Variants in AMZ2 observed in about 807,000 individuals in gnomAD.
AMZ2 encodes archaelysin family metallopeptidase 2, also known as archaemetzincin-2.
AMZ2 carries 26 observed loss-of-function variants against 36.7 expected under a neutral mutation model. The ratio of observed to expected loss-of-function variants is 0.71; its 90% CI spans 0.52 to 0.98. The LOEUF (loss-of-function observed/expected upper bound fraction) is 0.98, where lower values mean the gene tolerates loss of function less well. Among genes scored for constraint, AMZ2 ranks in the 50% least tolerant of loss-of-function variants. The probability of loss-of-function intolerance (pLI) is 0.00; values close to 1 mark genes in which losing one functional copy is unlikely to be tolerated. For synonymous variants in AMZ2, 144 were observed against 149.1 expected (o/e 0.97, Z 0.25); for missense variants, 394 against 430.5 (o/e 0.92, Z 0.75).
At chr17:68,208,119 G>A (rs1309201597) in intron 1 of AMZ2, among the ~76,000 whole-genome samples, 5 of 152,148 alleles carry the variant, frequency 3.3e-5, no homozygotes, top group African/African-American at 1.2e-4. Context: ...CTCCTGTGTG[G>A]CCTGAGCCTC....
intron 1 of AMZ2, among the ~76,000 whole-genome samples, chr17:68,241,797 AAC>A (rs782526188): frequency 0.22 from 32,916 of 151,354 alleles, 4,017 homozygotes; most frequent in East Asian, 0.4. Flanking sequence ...ATGATCTCAG[AAC>A]CTGCAACCTC....
At position 68,248,189 on chromosome 17, in the gene AMZ2, G is replaced by T; in HGVS notation, c.-517G>T. 1 of 986,424 alleles carries T rather than the reference G, an allele frequency of 1.0e-6. No homozygotes were observed. The highest frequency in any genetic ancestry group is 5.2e-4 in the Middle Eastern group (1 of 1,916). The allele number at this position is 986,424 out of a possible 1,614,324, so 61.1% of individuals were successfully genotyped here. A position where few individuals can be genotyped will look rare whatever the true frequency, so the allele number is the denominator to read the frequency against. On this transcript the variant is annotated 5_prime_UTR_variant, in exon 1 of 7. Transcript: ENST00000359904. ...TAGCCGGGTCGTAGAGGCGGGGGCC[G>T]GTCGCGGTCGGTGGAGCGGGATGAG...
chr17:68,247,601 G>T, upstream of AMZ2: 1 of 982,276 alleles, frequency 1.0e-6, no homozygotes, highest in Non-Finnish European at 1.2e-6. Flanking sequence ...TGCTGAGGGT[G>T]ACGGCCCCGG....
At chr17:68,234,683 A>G (rs1555732105) in intron 1 of AMZ2, among the ~76,000 whole-genome samples, 1 of 151,892 alleles carries the variant, frequency 6.6e-6, no homozygotes, top group Non-Finnish European at 1.5e-5. Context: ...GGCGGAAGGA[A>G]TGCTTGAGCC....
chr17:68,251,009 A>G lies in AMZ2; in HGVS notation c.458-41A>G, dbSNP rs782426655. ...TGCAATTCGAACTGAGTATATGTAT[A>G]TAATATACACTCATACATTTATGTA... On this transcript the variant is annotated intron_variant, in intron 3 of 6. Transcript: ENST00000359904. The G allele has an allele frequency of 1.2e-5, 20 of 1,608,238 alleles. No individual in the cohort carries two copies. The East Asian group carries it at 4.2e-4, about 34-fold the overall frequency.
Position 68,255,797 on chromosome 17 carries a change from G to A in AMZ2, c.848G>A (p.Arg283Gln), listed in dbSNP as rs372712125. ...QGSNHLEEAD[R>Q]RPLNLCPICL... ...TCCAACCACTTGGAAGAAGCTGACCGGCGCCCTCTAAACCTTTGCCCTATC... is the reference window on the plus strand; with the variant it reads ...TCCAACCACTTGGAAGAAGCTGACCAGCGCCCTCTAAACCTTTGCCCTATC... The change falls in exon 6 of 7, where the codon CGG becomes CAG. Residue 283 changes from arginine (R) to glutamine (Q), a missense_variant. Coordinates refer to ENST00000359904, the MANE Select transcript of AMZ2 (RefSeq NM_016627.5). 5.7e-5 allele frequency: 92 copies of A among 1,614,064 alleles called. No homozygotes were observed. The African/African-American group carries it at 6.3e-4, about 11-fold the overall frequency.
At chr17:68,222,575 A>T (rs2060399658) in intron 1 of AMZ2, among the ~76,000 whole-genome samples, 1 of 152,216 alleles carries the variant, frequency 6.6e-6, no homozygotes, top group Non-Finnish European at 1.5e-5. Flanking sequence ...ATAATGTAGA[A>T]TCAGTGGGAG....
At chr17:68,239,823 C>T (rs2073865300) in intron 1 of AMZ2, among the ~76,000 whole-genome samples, 1 of 152,134 alleles carries the variant, frequency 6.6e-6, no homozygotes, top group Non-Finnish European at 1.5e-5. Flanking sequence ...TTTTGTGCAT[C>T]ATAATGAAAT....
At chr17:68,249,042 G>C (rs2074240724) in intron 1 of AMZ2, 1 of 1,183,194 alleles carries the variant, frequency 8.5e-7, no homozygotes, top group African/African-American at 1.6e-5. Context: ...CCATTCAAGA[G>C]GAAGGATGAA....
intron 1 of AMZ2, among the ~76,000 whole-genome samples, chr17:68,239,430 C>T (rs1436528309): frequency 6.6e-6 from 1 of 152,172 alleles, no homozygotes; most frequent in Non-Finnish European, 1.5e-5. Flanking sequence ...AGGGGAAAAG[C>T]AAAAGGAGCA....
chr17:68,212,304 A>G (rs1555726279), intron 1 of AMZ2, among the ~76,000 whole-genome samples: 1 of 152,062 alleles, frequency 6.6e-6, no homozygotes, highest in African/African-American at 2.4e-5. Context: ...CCCAGGAGGC[A>G]GAGGTTGCAG....
rs1555742517 is a variant in AMZ2 at position 68,255,779 on chromosome 17, A to T, written c.830A>T (p.His277Leu). The stretch of plus-strand genomic sequence containing the variant: ...GCATGCCTCATGCAAGGCTCCAACC[A>T]CTTGGAAGAAGCTGACCGGCGCCCT... ...WLACLMQGSN[H>L]LEEADRRPLN... The change falls in exon 6 of 7, where the codon CAC (histidine) becomes CTC (leucine). Residue 277 changes from histidine (H) to leucine (L), a missense_variant. His to Leu is a moderately conservative substitution (Grantham distance 99). Coordinates refer to ENST00000359904, the MANE Select transcript of AMZ2 (RefSeq NM_016627.5). The T allele has an allele frequency of 6.2e-7, 1 of 1,614,148 alleles. No homozygotes were observed. Among genetic ancestry groups the T allele is most frequent in the Admixed American group, 1.7e-5 (1 of 60,020 alleles).
rs782254742 is a variant in AMZ2, at chr17:68,255,871, T to C, written c.922T>C (p.Tyr308His). Residue 308 changes from tyrosine (Y) to histidine (H), a missense_variant, in exon 6 of 7, where the codon TAC becomes CAC. Transcript: ENST00000359904. ...CAVGFSIVER[Y>H]KALVRWIDDE... Reference sequence around the variant, plus strand: ...TGTTGGCTTCAGCATTGTAGAAAGATACAAAGTAAGTTGGGGGGTGGACAG... The same window carrying C: ...TGTTGGCTTCAGCATTGTAGAAAGACACAAAGTAAGTTGGGGGGTGGACAG... 3 of 1,613,494 alleles carry C rather than the reference T, an allele frequency of 1.9e-6. No individual in the cohort carries two copies. Among genetic ancestry groups the C allele is most frequent in the African/African-American group, 1.3e-5 (1 of 74,688 alleles).
Position 68,235,643 on chromosome 17 carries a change from G to A in AMZ2, c.-66-12997G>A, listed in dbSNP as rs1400904805. 2.0e-5 allele frequency among the ~76,000 whole-genome samples: 3 copies of A among 152,158 alleles called. No individual in the cohort carries two copies. The highest frequency in any genetic ancestry group is 7.2e-5 in the African/African-American group (3 of 41,444). Reference sequence around the variant, plus strand: ...CTTGGCTGACTGGGCAGCCCAGAGAGAACAGTGACCCAGAAAAGCAAGAGG... The same window carrying A: ...CTTGGCTGACTGGGCAGCCCAGAGAAAACAGTGACCCAGAAAAGCAAGAGG... On this transcript the variant is annotated intron_variant, in intron 1 of 7. Coordinates refer to the AMZ2 transcript ENST00000674770. The surrounding 1 kb of genome is among the most constrained non-coding windows in gnomAD (Gnocchi z 4.2).
chr17:68,250,111 C>A, intron 1 of AMZ2, 77 bp from the exon 2 acceptor site: 2 of 1,452,520 alleles, frequency 1.4e-6, no homozygotes, highest in Non-Finnish European at 1.9e-6. Context: ...GAAATCAGAG[C>A]TGAAATATAG....
chr17:68,239,757 G>C (rs2073863379), intron 1 of AMZ2, among the ~76,000 whole-genome samples: 1 of 152,076 alleles, frequency 6.6e-6, no homozygotes, highest in Non-Finnish European at 1.5e-5. Flanking sequence ...CTGATTATCT[G>C]CCAGATCGCC....
chr17:68,232,495 CAAA>C (rs139890887), intron 1 of AMZ2, among the ~76,000 whole-genome samples: 13 of 106,864 alleles, frequency 1.2e-4, no homozygotes, highest in Admixed American at 1.9e-4. Context: ...GACCCTATCT[CAAA>C]AAAAAAAAAA....
intron 1 of AMZ2, among the ~76,000 whole-genome samples, chr17:68,233,337 C>T (rs1195948281): frequency 6.6e-6 from 1 of 151,848 alleles, no homozygotes; most frequent in East Asian, 1.9e-4. Context: ...GGAGAAAGCC[C>T]GTCTCTACTA....
chr17:68,235,032 G>A lies in AMZ2; in HGVS notation c.-66-13608G>A, dbSNP rs189947614. On this transcript the variant is annotated intron_variant, in intron 1 of 7. Transcript: ENST00000674770. The surrounding 1 kb of genome is among the most constrained non-coding windows in gnomAD (Gnocchi z 4.2). ...CTCCAATCTTAAAAAAAAGAAAAAA[G>A]ATAGGTAGATAGATGTATCTGCAAA... is the stretch of plus-strand genomic sequence containing the variant. Among the ~76,000 whole-genome samples, 2 of 152,182 alleles carry A rather than the reference G, an allele frequency of 1.3e-5. No homozygotes were observed. Among genetic ancestry groups the A allele is most frequent in the African/African-American group, 2.4e-5 (1 of 41,526 alleles).
Sources: allele counts gnomAD v4.1 joint callset (sites outside exome capture counted in the v4.1 genomes callset), GRCh38; gene constraint gnomAD v4.1.1; non-coding constraint Gnocchi (gnomAD v3.1); transcripts MANE v1.5; gene names NCBI Gene and HGNC (gene_info 2026-07-23, HGNC 2026-07-21).